Variants in WDR45B observed in about 807,000 individuals in gnomAD.
WDR45B encodes the protein WD repeat domain 45B.
A neutral mutation model predicts 44.6 loss-of-function variants in WDR45B; 20 were observed. That is an observed-to-expected ratio of 0.45 (90% CI 0.32 to 0.65). The LOEUF is 0.65. Among genes scored for constraint, WDR45B ranks in the 30% least tolerant of loss-of-function variants. The pLI is 0.05. For missense variants in WDR45B, 323 were observed against 430.2 expected (o/e 0.75, Z 2.20); for synonymous variants, 169 against 164.9 (o/e 1.02, Z -0.19).
intron 2 of WDR45B, among the ~76,000 whole-genome samples, chr17:82,639,102 T>C (rs1022576513): frequency 6.6e-6 from 1 of 152,080 alleles, no homozygotes; most frequent in Non-Finnish European, 1.5e-5. Flanking sequence ...ATTACAGGCA[T>C]GAGCCACTCT....
chr17:82,629,942 C>A, intron 3 of WDR45B: 1 of 985,288 alleles, frequency 1.0e-6, no homozygotes, highest in South Asian at 4.7e-5. Context: ...GCCTCCCTCA[C>A]TGAGCCTCTC....
chr17:82,639,154 G>T (rs761677183), intron 2 of WDR45B, among the ~76,000 whole-genome samples: 11 of 151,938 alleles, frequency 7.2e-5, no homozygotes, highest in Non-Finnish European at 1.5e-4. Context: ...TAGATATTTT[G>T]TTCCTATAAC....
At chr17:82,642,855 G>T (rs1361645498) in intron 2 of WDR45B, among the ~76,000 whole-genome samples, 1 of 152,158 alleles carries the variant, frequency 6.6e-6, no homozygotes, top group Non-Finnish European at 1.5e-5. Flanking sequence ...GGACACCAAC[G>T]TCTACAACTC....
At chr17:82,643,585 C>G (rs1251561738) in intron 2 of WDR45B, among the ~76,000 whole-genome samples, 1 of 152,170 alleles carries the variant, frequency 6.6e-6, no homozygotes, top group African/African-American at 2.4e-5. Context: ...AAATAAACTC[C>G]CAGACATAAA....
At chr17:82,620,331 G>A (rs1462623917) in intron 6 of WDR45B, among the ~76,000 whole-genome samples, 2 of 152,218 alleles carry the variant, frequency 1.3e-5, no homozygotes, top group African/African-American at 4.8e-5. Flanking sequence ...TACTCGGGAG[G>A]TGGAGGCAGG....
intron 3 of WDR45B, among the ~76,000 whole-genome samples, chr17:82,629,247 T>TCC (rs2045738272): frequency 6.6e-6 from 1 of 152,206 alleles, no homozygotes; most frequent in Non-Finnish European, 1.5e-5. Context: ...GAGGCGGCCC[T>TCC]CTAGGCCTCC....
At chr17:82,618,743 A>C (rs1295881577) in intron 7 of WDR45B, among the ~76,000 whole-genome samples, 3 of 151,726 alleles carry the variant, frequency 2.0e-5, no homozygotes, top group Non-Finnish European at 2.9e-5. Flanking sequence ...CAAAATAAAA[A>C]CCCCAAAAAA....
At chr17:82,644,077 G>C in intron 1 of WDR45B, 54 bp from the exon 2 acceptor site, 2 of 1,567,734 alleles carry the variant, frequency 1.3e-6, no homozygotes. Flanking sequence ...GTGGTTAAAA[G>C]AAAGAGGTCT....
intron 3 of WDR45B, chr17:82,630,035 A>G (rs2045747361): frequency 1.0e-6 from 1 of 953,134 alleles, no homozygotes; most frequent in South Asian, 4.9e-5. Context: ...GGTGGCCTTC[A>G]ATGTCACCAG....
intron 6 of WDR45B, 57 bp from the exon 7 acceptor site, chr17:82,619,185 T>C (rs2045580033): frequency 1.3e-6 from 2 of 1,536,160 alleles, no homozygotes; most frequent in African/African-American, 1.4e-5. Context: ...TTCGTTAGTT[T>C]TTGAAATGAC....
Position 82,615,787 on chromosome 17 carries a change from C to T in WDR45B, c.*132G>A, listed in dbSNP as rs569327333. The stretch of plus-strand genomic sequence containing the variant: ...GAGTCCTTAGGAAAGCAGACAACCA[C>T]GTATGGCTTCGAGACCAAGGTCCCT... On this transcript the variant is annotated 3_prime_UTR_variant, in exon 10 of 10. Coordinates refer to ENST00000392325, the MANE Select transcript of WDR45B (RefSeq NM_019613.4). 9.2e-5 allele frequency: 72 copies of T among 786,568 alleles called. No homozygotes were observed. Among genetic ancestry groups the T allele is most frequent in the East Asian group, 4.1e-4 (16 of 39,478 alleles). The allele number at this position is 786,568 out of a possible 1,614,324, so 48.7% of individuals were successfully genotyped here.
intron 1 of WDR45B, among the ~76,000 whole-genome samples, chr17:82,646,601 G>C (rs1212712278): frequency 6.6e-6 from 1 of 151,916 alleles, no homozygotes; most frequent in African/African-American, 2.4e-5. Flanking sequence ...TCACAAGTCA[G>C]GTAGGGAGCA....
At chr17:82,617,504 C>G in intron 7 of WDR45B, 107 bp from the exon 8 acceptor site, 1 of 1,079,876 alleles carries the variant, frequency 9.3e-7, no homozygotes, top group Non-Finnish European at 1.4e-6. Context: ...CATTCCCACT[C>G]TGGAGGTGCC....
At chr17:82,648,134 C>T (rs2046005795) in intron 1 of WDR45B, 140 bp downstream of exon 1, 2 of 1,002,862 alleles carry the variant, frequency 2.0e-6, no homozygotes, top group African/African-American at 1.7e-5. Context: ...CCGGGGGCTT[C>T]GGAGGGGAGC....
chr17:82,624,824 T>C (rs188292519), intron 5 of WDR45B, among the ~76,000 whole-genome samples: 167 of 150,048 alleles, frequency 1.1e-3, no homozygotes, highest in Non-Finnish European at 1.5e-3. Context: ...TTCACCGTGT[T>C]AGCCAGGATG....
intron 5 of WDR45B, among the ~76,000 whole-genome samples, chr17:82,624,134 T>C (rs551505785): frequency 7.9e-5 from 12 of 152,152 alleles, no homozygotes; most frequent in African/African-American, 2.4e-4. Flanking sequence ...TCCTTCCTAA[T>C]AGCCAAAACA....
chr17:82,638,366 G>C (rs143720197), intron 2 of WDR45B, among the ~76,000 whole-genome samples: 4 of 151,154 alleles, frequency 2.6e-5, no homozygotes, highest in Admixed American at 1.3e-4. Flanking sequence ...AGGGGGGTAG[G>C]AGAAGGTCAG....
intron 2 of WDR45B, among the ~76,000 whole-genome samples, chr17:82,634,590 G>A (rs1453066432): frequency 2.6e-5 from 4 of 151,918 alleles, no homozygotes; most frequent in Non-Finnish European, 2.9e-5. Flanking sequence ...AGAGATACCC[G>A]CACACCCACG....
intron 2 of WDR45B, among the ~76,000 whole-genome samples, chr17:82,634,404 C>T (rs2045808199): frequency 6.6e-6 from 1 of 151,952 alleles, no homozygotes; most frequent in African/African-American, 2.4e-5. Flanking sequence ...AGGAGAACTG[C>T]TTGAACCCGG....
Sources: gnomAD v4.1 joint callset for allele counts (sites outside exome capture counted in the v4.1 genomes callset) on GRCh38, gnomAD v4.1.1 for gene constraint, MANE v1.5 for transcripts, NCBI Gene and HGNC (gene_info 2026-07-23, HGNC 2026-07-21) for gene names.